The following TBC1D5 variants were observed in gnomAD, a reference collection of about 807,000 sequenced individuals.
TBC1D5 encodes TBC1 domain family member 5, also known as TBC1 domain family, member 5.
A neutral mutation model predicts 100.3 loss-of-function variants in TBC1D5; 75 were observed. That is an observed-to-expected ratio of 0.75 (90% CI 0.62 to 0.91). The LOEUF (loss-of-function observed/expected upper bound fraction) is 0.91, where lower values mean the gene tolerates loss of function less well. Among genes scored for constraint, TBC1D5 ranks in the 40% least tolerant of loss-of-function variants. TBC1D5 has a pLI of 0.00. For synonymous variants in TBC1D5, 323 were observed against 325.6 expected, an observed-to-expected ratio of 0.99 and a Z score of 0.09; for missense variants, 910 against 942.4, an observed-to-expected ratio of 0.97 and a Z score of 0.45.
chr3:17,521,996 G>A (rs2096068762), intron 2 of TBC1D5, among the ~76,000 whole-genome samples: 1 of 152,122 alleles, frequency 6.6e-6, no homozygotes, highest in Non-Finnish European at 1.5e-5. Context: ...AAAAGTCTCA[G>A]TATAAATATG....
intron 3 of TBC1D5, among the ~76,000 whole-genome samples, chr3:17,490,747 T>C (rs946421661): frequency 1.3e-4 from 20 of 152,240 alleles, no homozygotes; most frequent in African/African-American, 4.8e-4. Context: ...TCGGGTAGCA[T>C]GATGCCTCTA....
intron 1 of TBC1D5, among the ~76,000 whole-genome samples, chr3:17,709,687 G>C (rs368061789): frequency 6.6e-6 from 1 of 152,028 alleles, no homozygotes; most frequent in Non-Finnish European, 1.5e-5. Flanking sequence ...AAACTAAGAG[G>C]AATACCAGAA....
At chr3:17,603,372 C>A (rs2061120168) in intron 2 of TBC1D5, among the ~76,000 whole-genome samples, 1 of 152,050 alleles carries the variant, frequency 6.6e-6, no homozygotes, top group East Asian at 1.9e-4. Context: ...CGCACAAAAA[C>A]CAAGATGGCA....
rs569952286 is a variant in TBC1D5, at chr3:17,368,605, G to C, written c.995+3470C>G. The stretch of plus-strand genomic sequence containing the variant: ...TACTCCTCTTTCCATACAAGCTGTT[G>C]GTAATGATAACATTTTGCCATTGGC... On this transcript the variant is annotated intron_variant, in intron 13 of 21. Transcript: ENST00000253692. 2.6e-5 allele frequency among the ~76,000 whole-genome samples: 4 copies of C among 151,482 alleles called. No homozygotes were observed. The South Asian group carries it at 8.3e-4, about 32-fold the overall frequency.
chr3:17,259,838 G>A (rs2078107638), intron 15 of TBC1D5, among the ~76,000 whole-genome samples: 1 of 152,108 alleles, frequency 6.6e-6, no homozygotes, highest in African/African-American at 2.4e-5. Flanking sequence ...TATTTATACA[G>A]CTCAACCCTT....
At chr3:17,704,802 C>T (rs1273334587) in intron 1 of TBC1D5, among the ~76,000 whole-genome samples, 2 of 82,640 alleles carry the variant, frequency 2.4e-5, no homozygotes, top group Non-Finnish European at 4.9e-5. Flanking sequence ...ACCTCCCAGA[C>T]GGGGCGGCTG....
chr3:17,238,344 A>C (rs2076044183), exon 17 of TBC1D5: 1 of 1,613,856 alleles, frequency 6.2e-7, no homozygotes, highest in African/African-American at 1.3e-5. Flanking sequence ...TTGCTGGGGA[A>C]ATCAACTTTC....
intron 15 of TBC1D5, among the ~76,000 whole-genome samples, chr3:17,289,451 T>C (rs191195249): frequency 2.8e-4 from 43 of 152,014 alleles, no homozygotes; most frequent in South Asian, 2.5e-3. Flanking sequence ...CTGGCCAACA[T>C]AGTGAAACCC....
intron 2 of TBC1D5, among the ~76,000 whole-genome samples, chr3:17,566,877 G>A (rs938544717): frequency 3.3e-5 from 5 of 151,710 alleles, no homozygotes. Context: ...CTAGACACTA[G>A]AGATTGCTCT....
At chr3:17,668,016 CTG>C (rs1309423771) in intron 1 of TBC1D5, among the ~76,000 whole-genome samples, 6 of 151,494 alleles carry the variant, frequency 4.0e-5, no homozygotes, top group Non-Finnish European at 7.4e-5. Context: ...TGACCTTTGA[CTG>C]TGTTATATTC....
chr3:17,584,979 TG>T (rs1434754757), intron 2 of TBC1D5, among the ~76,000 whole-genome samples: 3 of 152,104 alleles, frequency 2.0e-5, no homozygotes, highest in Admixed American at 2.0e-4. Flanking sequence ...TCGACAGAGA[TG>T]GGGATTTGCT....
At chr3:17,223,507 A>G (rs1040314912) in intron 17 of TBC1D5, among the ~76,000 whole-genome samples, 4 of 152,182 alleles carry the variant, frequency 2.6e-5, no homozygotes, top group African/African-American at 9.7e-5. Context: ...CTTGCTCAAG[A>G]ACACAGTTAT....
chr3:17,307,849 T>C, intron 14 of TBC1D5, 143 bp downstream of exon 14: 2 of 1,011,546 alleles, frequency 2.0e-6, no homozygotes, highest in Non-Finnish European at 1.4e-6. Context: ...GTATATTCCT[T>C]TGAAATTTCA....
chr3:17,324,033 T>A (rs1193700381), intron 13 of TBC1D5, among the ~76,000 whole-genome samples: 1 of 152,222 alleles, frequency 6.6e-6, no homozygotes, highest in Non-Finnish European at 1.5e-5. Context: ...TATGGTCAAT[T>A]GATTCTTGCT....
intron 2 of TBC1D5, chr3:17,547,141 G>A (rs1340672151): frequency 6.6e-6 from 1 of 152,102 alleles, no homozygotes; most frequent in African/African-American, 2.4e-5. Context: ...ATTGATACAA[G>A]GGAACATTGT....
chr3:17,537,657 T>C (rs1576583702), intron 2 of TBC1D5, among the ~76,000 whole-genome samples: 1 of 152,208 alleles, frequency 6.6e-6, no homozygotes, highest in East Asian at 1.9e-4. Context: ...TGGAATAATA[T>C]AGAATTTGTC....
chr3:17,604,093 A>G (rs74429934), intron 2 of TBC1D5, among the ~76,000 whole-genome samples: 15,401 of 152,056 alleles, frequency 0.1, 866 homozygotes, highest in African/African-American at 0.15. Flanking sequence ...CAGCCTCCCA[A>G]GTAGCACCAC....
chr3:17,576,290 G>T (rs1259074362), intron 2 of TBC1D5: 2 of 152,040 alleles, frequency 1.3e-5, no homozygotes, highest in Admixed American at 6.6e-5. Flanking sequence ...AAGGAAGTAA[G>T]AACAGCCAAG....
chr3:17,546,260 T>C (rs1280863651), intron 2 of TBC1D5, among the ~76,000 whole-genome samples: 2 of 152,286 alleles, frequency 1.3e-5, no homozygotes, highest in African/African-American at 4.8e-5. Context: ...AGAAATCCTA[T>C]CTAAGATTCC....
Sources: allele counts gnomAD v4.1 joint callset (sites outside exome capture counted in the v4.1 genomes callset), GRCh38; gene constraint gnomAD v4.1.1; transcripts MANE v1.5; gene names NCBI Gene and HGNC (gene_info 2026-07-23, HGNC 2026-07-21).